Variants in PPP1R12B observed in about 807,000 individuals in gnomAD.
PPP1R12B encodes myosin phosphatase target subunit 2.
A neutral mutation model predicts 126.1 loss-of-function variants in PPP1R12B; 76 were observed. That is an observed-to-expected ratio of 0.60 (90% CI 0.50 to 0.73). The LOEUF is 0.73. Among genes scored for constraint, PPP1R12B ranks in the 30% least tolerant of loss-of-function variants. PPP1R12B has a pLI of 0.00. For missense variants in PPP1R12B, 1,052 were observed against 1,205.1 expected (o/e 0.87, Z 1.88); for synonymous variants, 356 against 434.7 (o/e 0.82, Z 2.25).
intron 18 of PPP1R12B, among the ~76,000 whole-genome samples, chr1:202,544,093 G>C (rs1685407984): frequency 6.6e-6 from 1 of 152,162 alleles, no homozygotes. Flanking sequence ...AGATATTGAT[G>C]AGAATTTGAA....
intron 13 of PPP1R12B, among the ~76,000 whole-genome samples, chr1:202,486,671 G>A (rs534557893): frequency 1.4e-3 from 208 of 152,228 alleles, no homozygotes; most frequent in Non-Finnish European, 2.3e-3. Context: ...GCAGGGCGTA[G>A]TGGCGTGCAC....
chr1:202,364,608 G>C (rs1347670812), intron 1 of PPP1R12B, among the ~76,000 whole-genome samples: 3 of 151,492 alleles, frequency 2.0e-5, no homozygotes, highest in Non-Finnish European at 1.5e-5. Context: ...ACGGAGTCTT[G>C]CTCTGTCACC....
intron 12 of PPP1R12B, among the ~76,000 whole-genome samples, chr1:202,446,256 A>ATATATATAT (rs376183502): frequency 1.8e-5 from 1 of 54,342 alleles, no homozygotes; most frequent in Admixed American, 3.8e-4. Flanking sequence ...ATATATATAT[A>ATATATATAT]TTTTTTTTTT....
At chr1:202,515,974 A>C (rs1264354903) in intron 18 of PPP1R12B, among the ~76,000 whole-genome samples, 1 of 152,156 alleles carries the variant, frequency 6.6e-6, no homozygotes, top group East Asian at 1.9e-4. Context: ...TGAACCCTGA[A>C]ACCAAGTTTA....
chr1:202,583,983 GC>G lies in PPP1R12B; in HGVS notation c.*3424del. The G allele has an allele frequency of 6.6e-6, 1 of 152,310 alleles. No individual in the cohort carries two copies. The highest frequency in any genetic ancestry group is 1.9e-4 in the East Asian group (1 of 5,192). 9.4% of individuals were successfully genotyped at this position (152,310 alleles called of 1,614,324 possible). A position where few individuals can be genotyped will look rare whatever the true frequency, so the allele number is the denominator to read the frequency against. ...ATTTGGCCATTCCAGAGATTCTGGG[GC>G]TAAAGTTTGTTTTTCCAGGGCTGCT... On this transcript the variant is annotated 3_prime_UTR_variant, in exon 24 of 24. Coordinates refer to ENST00000608999, the MANE Select transcript of PPP1R12B (RefSeq NM_002481.4).
intron 14 of PPP1R12B, among the ~76,000 whole-genome samples, chr1:202,492,898 T>C (rs1186501662): frequency 6.6e-6 from 1 of 152,214 alleles, no homozygotes; most frequent in Non-Finnish European, 1.5e-5. Context: ...AACTAAAGTA[T>C]TACATTTAAA....
intron 1 of PPP1R12B, among the ~76,000 whole-genome samples, chr1:202,416,463 T>C (rs1212640417): frequency 1.3e-5 from 2 of 149,260 alleles, no homozygotes; most frequent in African/African-American, 5.0e-5. Flanking sequence ...GAGGCAGAGG[T>C]TGCGGTGAGC....
At chr1:202,391,600 C>T (rs148451141) in intron 1 of PPP1R12B, among the ~76,000 whole-genome samples, 46 of 146,110 alleles carry the variant, frequency 3.1e-4, no homozygotes, top group Admixed American at 5.5e-4. Context: ...TTCAGGTGTA[C>T]TGAAGATAAA....
At chr1:202,505,659 A>G (rs780006937) in intron 18 of PPP1R12B, among the ~76,000 whole-genome samples, 4 of 152,158 alleles carry the variant, frequency 2.6e-5, no homozygotes, top group African/African-American at 4.8e-5. Context: ...GTGGAGTTAG[A>G]ACAACAGTTT....
intron 13 of PPP1R12B, among the ~76,000 whole-genome samples, chr1:202,455,152 A>T (rs963384879): frequency 1.2e-4 from 18 of 152,188 alleles, no homozygotes; most frequent in Non-Finnish European, 1.3e-4. Flanking sequence ...TGAGGGAGAG[A>T]GGTCTAGGAT....
rs181857068 is a variant in PPP1R12B, at chr1:202,530,402, T to C, written c.2491-28475T>C. Among the ~76,000 whole-genome samples the C allele has an allele frequency of 1.1e-4, 17 of 152,250 alleles. No homozygotes were observed. In the East Asian group the frequency reaches 2.9e-3, roughly 26 times the overall value. ...TAGCCTATGTGGCCTACAAAAAAAG[T>C]GTGAAGGGGGAAAAGCTATGTTGTT... On this transcript the variant is annotated intron_variant, in intron 18 of 23. Coordinates refer to ENST00000608999, the MANE Select transcript of PPP1R12B (RefSeq NM_002481.4).
At chr1:202,413,928 G>A (rs962909283) in intron 1 of PPP1R12B, among the ~76,000 whole-genome samples, 8 of 151,966 alleles carry the variant, frequency 5.3e-5, no homozygotes, top group African/African-American at 1.4e-4. Context: ...GTGATGGTTC[G>A]TTTCCTTTTT....
chr1:202,392,665 G>C (rs1033510966), intron 1 of PPP1R12B, among the ~76,000 whole-genome samples: 1 of 151,768 alleles, frequency 6.6e-6, no homozygotes, highest in Non-Finnish European at 1.5e-5. Flanking sequence ...GGGACTACAG[G>C]CCCACACCAC....
intron 13 of PPP1R12B, among the ~76,000 whole-genome samples, chr1:202,455,525 A>G (rs912122468): frequency 1.6e-4 from 25 of 152,356 alleles, no homozygotes; most frequent in African/African-American, 5.8e-4. Context: ...GTTCATCCAT[A>G]TGATAGCATG....
At chr1:202,494,973 C>T (rs1679356099) in intron 15 of PPP1R12B, among the ~76,000 whole-genome samples, 1 of 152,058 alleles carries the variant, frequency 6.6e-6, no homozygotes, top group Non-Finnish European at 1.5e-5. Context: ...TATTTTCATT[C>T]CAAGATCAAA....
chr1:202,495,483 G>C lies in PPP1R12B; in HGVS notation c.2335+1G>C. On this transcript the variant is annotated splice_donor_variant, in intron 16 of 23. Transcript: ENST00000608999. LOFTEE classifies it high-confidence loss of function. The stretch of plus-strand genomic sequence containing the variant: ...ACTGCAAAGGAAATGGACAAAAATG[G>C]TATGTAGAACTTCAAAAGACACAGG... The C allele has an allele frequency of 6.2e-7, 1 of 1,607,202 alleles. No homozygotes were observed. The highest frequency in any genetic ancestry group is 8.5e-7 in the Non-Finnish European group (1 of 1,176,298).
chr1:202,503,468 T>C (rs1411180627), intron 18 of PPP1R12B, among the ~76,000 whole-genome samples: 1 of 152,244 alleles, frequency 6.6e-6, no homozygotes, highest in Non-Finnish European at 1.5e-5. Flanking sequence ...CAGTTAGATG[T>C]AGGAATCTGC....
chr1:202,566,108 T>C (rs1688023310), intron 21 of PPP1R12B, among the ~76,000 whole-genome samples: 1 of 152,214 alleles, frequency 6.6e-6, no homozygotes, highest in Non-Finnish European at 1.5e-5. Context: ...CTCCCCACTC[T>C]TCTCAGCGGA....
In PPP1R12B at chr1:202,539,002, G is replaced by A. The variant is rs180705753; in HGVS notation, c.2491-19875G>A. On this transcript the variant is annotated intron_variant, in intron 18 of 23. Coordinates refer to ENST00000608999, the MANE Select transcript of PPP1R12B (RefSeq NM_002481.4). Reference sequence around the variant, plus strand: ...GATCCAGCCAGTAAGGTCTGTAATGGACAGATAACTTTCTTTGCAGTGAGC... The same window carrying A: ...GATCCAGCCAGTAAGGTCTGTAATGAACAGATAACTTTCTTTGCAGTGAGC... 2.2e-3 allele frequency among the ~76,000 whole-genome samples: 340 copies of A among 152,266 alleles called. 2 individuals carry two copies. Among genetic ancestry groups the A allele is most frequent in the Non-Finnish European group, 3.8e-3 (257 of 68,020 alleles).
Sources: gnomAD v4.1 joint callset for allele counts (sites outside exome capture counted in the v4.1 genomes callset) on GRCh38, gnomAD v4.1.1 for gene constraint, MANE v1.5 for transcripts, NCBI Gene and HGNC (gene_info 2026-07-23, HGNC 2026-07-21) for gene names.